PCSK2: variants seen among roughly 807,000 people sequenced by gnomAD.
PCSK2 encodes proprotein convertase subtilisin/kexin type 2.
Under a neutral mutation model 69.7 loss-of-function variants are expected in PCSK2, and 14 were observed. The ratio of observed to expected loss-of-function variants is 0.20; its 90% confidence interval spans 0.13 to 0.31. The LOEUF is 0.31. PCSK2 is among the 10% of genes least tolerant of loss of function. The pLI, the probability that PCSK2 is intolerant of heterozygous loss-of-function variation, is 1.00. For missense variants in PCSK2, 544 were observed against 842.5 expected, an observed-to-expected ratio of 0.65 and a Z score of 4.39; for synonymous variants, 307 against 320.7, an observed-to-expected ratio of 0.96 and a Z score of 0.46.
chr20:17,453,970 C>G lies in PCSK2; in HGVS notation c.1101+13C>G, dbSNP rs762613457. The stretch of plus-strand genomic sequence containing the variant: ...CGAGGCCGGTGTGGTGAGCACGTCC[C>G]CTTCTGTCCTTGTTTCCTTAGGGCC... On this transcript the variant is annotated intron_variant, in intron 9 of 11. Coordinates refer to ENST00000262545, the MANE Select transcript of PCSK2 (RefSeq NM_002594.5). The surrounding 1 kb of genome is among the most constrained non-coding windows in gnomAD (Gnocchi z 4.0). 2.5e-6 allele frequency: 4 copies of G among 1,613,964 alleles called. No individual in the cohort carries two copies. The Admixed American group carries it at 6.7e-5, about 27-fold the overall frequency.
intron 10 of PCSK2, among the ~76,000 whole-genome samples, chr20:17,459,055 C>G (rs909403455): frequency 4.8e-4 from 73 of 152,256 alleles, no homozygotes; most frequent in Non-Finnish European, 4.4e-5. Flanking sequence ...GGTCCACATG[C>G]TGGACTGGAA....
intron 11 of PCSK2, among the ~76,000 whole-genome samples, chr20:17,468,793 G>A (rs192336557): frequency 6.7e-6 from 1 of 148,814 alleles, no homozygotes; most frequent in African/African-American, 2.5e-5. Flanking sequence ...TGCTATAGAC[G>A]GGCAGCCCAC....
At chr20:17,441,928 G>A (rs1413411645) in intron 8 of PCSK2, among the ~76,000 whole-genome samples, 1 of 151,214 alleles carries the variant, frequency 6.6e-6, no homozygotes, top group African/African-American at 2.4e-5. Context: ...TGGAAATAGG[G>A]TCATTGCAGA....
chr20:17,369,174 G>A, intron 4 of PCSK2, 66 bp from the exon 5 acceptor site: 7 of 1,462,868 alleles, frequency 4.8e-6, no homozygotes, highest in South Asian at 2.3e-5. Context: ...TTCTTGGGCA[G>A]CTTTCCTGAG....
chr20:17,384,513 A>C (rs2031181073), intron 5 of PCSK2, among the ~76,000 whole-genome samples: 1 of 151,806 alleles, frequency 6.6e-6, no homozygotes, highest in Non-Finnish European at 1.5e-5. Context: ...GAGGCAGGAG[A>C]ATTGCTTGAA....
At chr20:17,437,326 C>T (rs766941447) in intron 8 of PCSK2, among the ~76,000 whole-genome samples, 3 of 152,186 alleles carry the variant, frequency 2.0e-5, no homozygotes, top group Non-Finnish European at 4.4e-5. Flanking sequence ...CCACAATGCT[C>T]GTGGGGCAGG....
At chr20:17,337,790 A>G (rs1568608388) in intron 2 of PCSK2, among the ~76,000 whole-genome samples, 2 of 151,916 alleles carry the variant, frequency 1.3e-5, no homozygotes, top group South Asian at 2.1e-4. Flanking sequence ...TTAGCCAGGT[A>G]TGGTGGTGCA....
At chr20:17,278,128 T>G (rs1244626351) in intron 2 of PCSK2, among the ~76,000 whole-genome samples, 1 of 152,190 alleles carries the variant, frequency 6.6e-6, no homozygotes, top group African/African-American at 2.4e-5. Context: ...CATGGGACTG[T>G]AAACTAGTTC....
chr20:17,413,941 A>G (rs1034894798), intron 6 of PCSK2, among the ~76,000 whole-genome samples: 1 of 152,232 alleles, frequency 6.6e-6, no homozygotes, highest in African/African-American at 2.4e-5. Context: ...TACTGGGTAC[A>G]TAACGAAATG....
intron 6 of PCSK2, among the ~76,000 whole-genome samples, chr20:17,416,374 C>T (rs2031999019): frequency 6.6e-6 from 1 of 152,186 alleles, no homozygotes; most frequent in African/African-American, 2.4e-5. Flanking sequence ...TATGAACAGA[C>T]ACTTCTCAAA....
At chr20:17,296,880 C>A (rs1988912872) in intron 2 of PCSK2, among the ~76,000 whole-genome samples, 1 of 152,142 alleles carries the variant, frequency 6.6e-6, no homozygotes, top group African/African-American at 2.4e-5. Flanking sequence ...ATCCTCCATT[C>A]GTTGGACTCA....
chr20:17,420,486 A>C (rs906169974), intron 6 of PCSK2, among the ~76,000 whole-genome samples: 4 of 152,222 alleles, frequency 2.6e-5, no homozygotes, highest in Non-Finnish European at 5.9e-5. Flanking sequence ...ACAGCATTTA[A>C]TTTTTAAATT....
chr20:17,397,197 A>C (rs56752581), intron 5 of PCSK2, among the ~76,000 whole-genome samples: 4,199 of 152,318 alleles, frequency 0.028, 192 homozygotes, highest in African/African-American at 0.096. Flanking sequence ...GGAAAAAGTC[A>C]GGTATAAAAA....
intron 2 of PCSK2, among the ~76,000 whole-genome samples, chr20:17,313,414 C>T (rs2123115808): frequency 6.6e-6 from 1 of 152,180 alleles, no homozygotes; most frequent in African/African-American, 2.4e-5. Context: ...ACCTCCATCA[C>T]CAGAAGAGAC....
At chr20:17,424,492 G>T (rs926792870) in intron 6 of PCSK2, among the ~76,000 whole-genome samples, 1 of 151,994 alleles carries the variant, frequency 6.6e-6, no homozygotes, top group African/African-American at 2.4e-5. Context: ...GGCGCGGAGG[G>T]GGTTGTTTTT....
At chr20:17,351,324 G>A (rs1322351566) in intron 2 of PCSK2, among the ~76,000 whole-genome samples, 1 of 152,084 alleles carries the variant, frequency 6.6e-6, no homozygotes, top group East Asian at 1.9e-4. Flanking sequence ...AAAAAATCAA[G>A]GAGACTCCTC....
intron 2 of PCSK2, among the ~76,000 whole-genome samples, chr20:17,312,607 T>C (rs1041152864): frequency 2.0e-5 from 3 of 152,052 alleles, no homozygotes; most frequent in African/African-American, 7.2e-5. Flanking sequence ...AATTTCCCAC[T>C]GTCCTATGCA....
At chr20:17,249,278 G>A (rs569546322) in intron 1 of PCSK2, among the ~76,000 whole-genome samples, 10 of 152,116 alleles carry the variant, frequency 6.6e-5, no homozygotes, top group East Asian at 1.9e-4. Flanking sequence ...AGGCTGAGGC[G>A]GGCGGATCAT....
chr20:17,432,769 G>A (rs976899917), intron 7 of PCSK2, among the ~76,000 whole-genome samples: 2 of 152,196 alleles, frequency 1.3e-5, no homozygotes, highest in Non-Finnish European at 2.9e-5. Context: ...TCAAGGAGTC[G>A]TAACACTGTC....
Sources: allele counts gnomAD v4.1 joint callset (sites outside exome capture counted in the v4.1 genomes callset), GRCh38; gene constraint gnomAD v4.1.1; non-coding constraint Gnocchi (gnomAD v3.1); transcripts MANE v1.5; gene names NCBI Gene and HGNC (gene_info 2026-07-23, HGNC 2026-07-21).